The following NTM variants were observed in gnomAD, a reference collection of about 807,000 sequenced individuals.
NTM encodes IgLON family member 2.
In NTM, 13 loss-of-function variants were observed where a neutral mutation model predicts 42.1. That is an observed-to-expected ratio of 0.31 (90% CI 0.20 to 0.49). The LOEUF is 0.49. Ranked by LOEUF, NTM falls within the 20% of genes least tolerant of loss-of-function variation. NTM has a pLI of 0.99. For missense variants in NTM, 373 were observed against 452.8 expected (o/e 0.82, Z 1.60); for synonymous variants, 187 against 179.2 (o/e 1.04, Z -0.35).
intron 1 of NTM, among the ~76,000 whole-genome samples, chr11:131,720,235 A>G (rs1180053369): frequency 2.0e-5 from 3 of 152,244 alleles, no homozygotes; most frequent in Non-Finnish European, 4.4e-5. Context: ...ACAAGCATAT[A>G]TGATAAAATG....
intron 1 of NTM, among the ~76,000 whole-genome samples, chr11:131,457,708 A>C (rs1454210192): frequency 1.3e-5 from 2 of 150,388 alleles, no homozygotes; most frequent in African/African-American, 5.0e-5. Flanking sequence ...CAATGCACTA[A>C]ATGTTTTTGT....
At chr11:131,682,832 T>A (rs1025171571) in intron 1 of NTM, among the ~76,000 whole-genome samples, 10 of 152,132 alleles carry the variant, frequency 6.6e-5, no homozygotes, top group African/African-American at 2.4e-4. Context: ...ACCCAGTACC[T>A]ACTGGATCAC....
intron 1 of NTM, among the ~76,000 whole-genome samples, chr11:131,624,966 CAAT>C (rs1022587839): frequency 1.3e-5 from 2 of 152,172 alleles, no homozygotes; most frequent in Non-Finnish European, 2.9e-5. Context: ...AAGAAATTAT[CAAT>C]GATTCCAAGT....
chr11:131,781,278 T>TA (rs141237685), intron 1 of NTM, among the ~76,000 whole-genome samples: 11 of 150,798 alleles, frequency 7.3e-5, no homozygotes, highest in East Asian at 1.9e-4. Flanking sequence ...AACAAAGAAG[T>TA]AAAAAAAAAT....
intron 2 of NTM, among the ~76,000 whole-genome samples, chr11:132,112,311 C>T (rs2063317530): frequency 6.6e-6 from 1 of 152,164 alleles, no homozygotes; most frequent in African/African-American, 2.4e-5. Flanking sequence ...CAGCCTAGTT[C>T]TCTTCTTGCA....
intron 1 of NTM, among the ~76,000 whole-genome samples, chr11:131,706,778 TAAAA>T (rs1433265159): frequency 6.6e-6 from 1 of 152,012 alleles, no homozygotes; most frequent in Non-Finnish European, 1.5e-5. Context: ...TTTAAAATCT[TAAAA>T]CAAACAAACA....
intron 4 of NTM, among the ~76,000 whole-genome samples, chr11:132,281,911 A>C (rs571718975): frequency 6.9e-4 from 105 of 152,234 alleles, no homozygotes; most frequent in Non-Finnish European, 1.2e-3. Context: ...AACATAGATA[A>C]AATTTATTTT....
At chr11:131,484,583 T>C (rs1001448445) in intron 1 of NTM, among the ~76,000 whole-genome samples, 2 of 152,108 alleles carry the variant, frequency 1.3e-5, no homozygotes, top group Admixed American at 6.5e-5. Context: ...TCCTTAGTCA[T>C]CAGATGGCCA....
intron 1 of NTM, among the ~76,000 whole-genome samples, chr11:131,654,269 C>T (rs777617102): frequency 7.2e-5 from 11 of 152,308 alleles, no homozygotes; most frequent in Admixed American, 1.3e-4. Context: ...CCTTTCCAGG[C>T]GCAGCCCTAG....
chr11:131,911,177 T>TTCACCTGCCGCGCGCTTCCCCCTCCTC, intron 1 of NTM: 1 of 1,338,052 alleles, frequency 7.5e-7, no homozygotes. Context: ...GCCCACACCT[T>TTCACCTGCCGCGCGCTTCCCCCTCCTC]TCACCTGCCG....
At chr11:132,250,767 A>G (rs1035966282) in intron 4 of NTM, among the ~76,000 whole-genome samples, 4 of 151,960 alleles carry the variant, frequency 2.6e-5, no homozygotes, top group Non-Finnish European at 4.4e-5. Context: ...ATTTTCCAAT[A>G]TTATTAGTCA....
At chr11:131,910,730 G>C (rs2054701159) in intron 1 of NTM, 1 of 614,746 alleles carries the variant, frequency 1.6e-6, no homozygotes, top group Non-Finnish European at 2.0e-6. Flanking sequence ...ACCGAGCTTG[G>C]GGCCGCCGCG....
At chr11:131,932,464 G>T (rs1177032517) in intron 2 of NTM, among the ~76,000 whole-genome samples, 2 of 152,210 alleles carry the variant, frequency 1.3e-5, no homozygotes, top group African/African-American at 4.8e-5. Context: ...TTGAGGAAAA[G>T]AGATTGTACA....
At chr11:131,608,942 T>G (rs1178672304) in intron 1 of NTM, among the ~76,000 whole-genome samples, 1 of 152,264 alleles carries the variant, frequency 6.6e-6, no homozygotes, top group Non-Finnish European at 1.5e-5. Flanking sequence ...GTGTTTATGC[T>G]ACTGACAGTA....
intron 1 of NTM, among the ~76,000 whole-genome samples, chr11:131,400,601 G>A (rs1025257475): frequency 2.0e-5 from 3 of 152,196 alleles, no homozygotes; most frequent in African/African-American, 7.2e-5. Flanking sequence ...ATGTAAATGT[G>A]TTGATGGGCA....
intron 7 of NTM, among the ~76,000 whole-genome samples, chr11:132,326,859 C>G (rs533747923): frequency 2.0e-5 from 3 of 152,248 alleles, no homozygotes; most frequent in African/African-American, 4.8e-5. Context: ...GAAATACGCT[C>G]CAAGTTATAC....
chr11:131,573,314 G>A (rs2057630052), intron 1 of NTM, among the ~76,000 whole-genome samples: 1 of 152,190 alleles, frequency 6.6e-6, no homozygotes, highest in Non-Finnish European at 1.5e-5. Flanking sequence ...TTGCTCATTT[G>A]CAAGATTTCT....
intron 3 of NTM, among the ~76,000 whole-genome samples, chr11:132,157,793 G>C (rs2073511716): frequency 6.6e-6 from 1 of 152,112 alleles, no homozygotes; most frequent in Admixed American, 6.5e-5. Context: ...GCTCCTCCTG[G>C]AGTCTTGCCA....
chr11:131,498,791 G>C (rs1955621420), intron 1 of NTM, among the ~76,000 whole-genome samples: 1 of 152,212 alleles, frequency 6.6e-6, no homozygotes, highest in Non-Finnish European at 1.5e-5. Flanking sequence ...GTGGCCACTT[G>C]CTGGGCTCCT....
Sources: allele counts gnomAD v4.1 joint callset (sites outside exome capture counted in the v4.1 genomes callset), GRCh38; gene constraint gnomAD v4.1.1; transcripts MANE v1.5; gene names NCBI Gene and HGNC (gene_info 2026-07-23, HGNC 2026-07-21).